Variants in PLPPR1 observed in about 807,000 individuals in gnomAD.
The protein encoded by PLPPR1 is phospholipid phosphatase-related protein type 1.
In PLPPR1, 10 loss-of-function variants were observed where a neutral mutation model predicts 33.1. The ratio of observed to expected loss-of-function variants is 0.30; its 90% CI spans 0.19 to 0.51. The LOEUF is 0.51. PLPPR1 is among the 20% of genes least tolerant of loss of function. The pLI, the probability that PLPPR1 is intolerant of heterozygous loss-of-function variation, is 0.97. For missense variants in PLPPR1, 304 were observed against 408.1 expected (o/e 0.74, Z 2.20); for synonymous variants, 151 against 151.0 (o/e 1.00, Z 0.00).
At chr9:101,046,839 T>C (rs1830156918) in intron 1 of PLPPR1, among the ~76,000 whole-genome samples, 1 of 152,232 alleles carries the variant, frequency 6.6e-6, no homozygotes, top group Non-Finnish European at 1.5e-5. Flanking sequence ...CTGTTATGAA[T>C]TTCATAAATC....
chr9:101,257,519 G>C (rs1040247061), intron 2 of PLPPR1, among the ~76,000 whole-genome samples: 2 of 152,146 alleles, frequency 1.3e-5, no homozygotes, highest in African/African-American at 4.8e-5. Flanking sequence ...CATGCCAGAA[G>C]GGCACAGTTC....
intron 2 of PLPPR1, among the ~76,000 whole-genome samples, chr9:101,259,040 A>G (rs941354703): frequency 6.6e-6 from 1 of 152,190 alleles, no homozygotes; most frequent in African/African-American, 2.4e-5. Context: ...GTTATACCAA[A>G]TATTTATCCC....
intron 7 of PLPPR1, among the ~76,000 whole-genome samples, chr9:101,321,770 CATAT>C (rs1225594575): frequency 6.8e-6 from 1 of 147,892 alleles, no homozygotes; most frequent in African/African-American, 2.5e-5. Context: ...AATATAGATA[CATAT>C]ATACACTAAT....
intron 2 of PLPPR1, among the ~76,000 whole-genome samples, chr9:101,204,681 C>T (rs1030767655): frequency 2.0e-5 from 3 of 152,234 alleles, no homozygotes; most frequent in Admixed American, 1.3e-4. Flanking sequence ...GATTTCTAAG[C>T]TTCTCTAGTA....
chr9:101,101,895 C>A (rs1830905382), intron 1 of PLPPR1, among the ~76,000 whole-genome samples: 1 of 152,082 alleles, frequency 6.6e-6, no homozygotes, highest in Admixed American at 6.5e-5. Flanking sequence ...CCTTTAAAGC[C>A]AGTCTAGAAG....
At chr9:101,264,139 T>G (rs1827946426) in intron 2 of PLPPR1, among the ~76,000 whole-genome samples, 1 of 152,138 alleles carries the variant, frequency 6.6e-6, no homozygotes, top group African/African-American at 2.4e-5. Flanking sequence ...TATTGACATT[T>G]GTGACTAGGA....
chr9:101,143,264 A>T (rs999881382), intron 1 of PLPPR1, among the ~76,000 whole-genome samples: 1 of 152,116 alleles, frequency 6.6e-6, no homozygotes, highest in South Asian at 2.1e-4. Context: ...ATCTAGAGAG[A>T]TTACCAGACA....
intron 1 of PLPPR1, among the ~76,000 whole-genome samples, chr9:101,061,832 T>A (rs1412112038): frequency 6.6e-6 from 1 of 152,024 alleles, no homozygotes; most frequent in Non-Finnish European, 1.5e-5. Context: ...TGGAAATCAG[T>A]TTGAACTGCT....
chr9:101,285,641 T>C (rs1309146172), intron 3 of PLPPR1, among the ~76,000 whole-genome samples: 1 of 152,202 alleles, frequency 6.6e-6, no homozygotes, highest in Non-Finnish European at 1.5e-5. Flanking sequence ...TCTTATAGCA[T>C]ACAGTATGTC....
intron 2 of PLPPR1, among the ~76,000 whole-genome samples, chr9:101,204,753 A>C (rs1826557962): frequency 6.7e-6 from 1 of 148,824 alleles, no homozygotes; most frequent in African/African-American, 2.4e-5. Flanking sequence ...AAGACCTGCC[A>C]GTCAAATTCA....
At chr9:101,263,179 A>G (rs1389070586) in intron 2 of PLPPR1, among the ~76,000 whole-genome samples, 1 of 152,222 alleles carries the variant, frequency 6.6e-6, no homozygotes. Flanking sequence ...TTTTAAAAAA[A>G]TAACAGCACC....
Position 101,286,115 on chromosome 9 carries a change from T to C in PLPPR1, c.264T>C (p.Gly88=). 1 of 1,612,004 alleles carries C rather than the reference T, an allele frequency of 6.2e-7. No homozygotes were observed. The change falls in exon 4 of 8, where the codon GGT becomes GGC. Residue 88 remains glycine, a synonymous_variant. Coordinates refer to ENST00000374874, the MANE Select transcript of PLPPR1 (RefSeq NM_207299.2). ...AATPTAIIFI[G]EISMYFIKST... is the part of the protein sequence containing the mutation. ...CATTCCTTCCCTAGATTTTTATTGG[T>C]GAGATATCCATGTATTTCATAAAAT...
At chr9:101,035,299 G>A (rs988388478) in intron 1 of PLPPR1, among the ~76,000 whole-genome samples, 45 of 152,294 alleles carry the variant, frequency 3.0e-4, no homozygotes, top group African/African-American at 9.6e-4. Flanking sequence ...CAGCAGGGCA[G>A]GAACTGCAAC....
At chr9:101,238,140 CACAT>C (rs1447638542) in intron 2 of PLPPR1, among the ~76,000 whole-genome samples, 1 of 136,506 alleles carries the variant, frequency 7.3e-6, no homozygotes, top group Non-Finnish European at 1.6e-5. Context: ...TACATATACA[CACAT>C]ATATATACAT....
chr9:101,279,725 A>G (rs1404136792), intron 3 of PLPPR1, among the ~76,000 whole-genome samples: 2 of 152,206 alleles, frequency 1.3e-5, no homozygotes, highest in Non-Finnish European at 2.9e-5. Context: ...TCAGTGGATC[A>G]ATGAATAAGA....
intron 3 of PLPPR1, among the ~76,000 whole-genome samples, chr9:101,280,764 A>C (rs531934650): frequency 6.6e-6 from 1 of 152,270 alleles, no homozygotes; most frequent in South Asian, 2.1e-4. Flanking sequence ...TATAGAAGGA[A>C]CATACCTCAA....
intron 2 of PLPPR1, among the ~76,000 whole-genome samples, chr9:101,246,107 T>TATATATATATATAG (rs1827606259): frequency 1.0e-5 from 1 of 98,346 alleles, no homozygotes; most frequent in Non-Finnish European, 2.3e-5. Context: ...TATATATATA[T>TATATATATATATAG]ATAGATAGAT....
chr9:101,233,465 G>C (rs1260835684), intron 2 of PLPPR1, among the ~76,000 whole-genome samples: 1 of 151,956 alleles, frequency 6.6e-6, no homozygotes, highest in Non-Finnish European at 1.5e-5. Flanking sequence ...CAACGGGGAT[G>C]GGAGTTGTCA....
At chr9:101,159,608 T>G (rs967511044) in intron 1 of PLPPR1, among the ~76,000 whole-genome samples, 8 of 152,098 alleles carry the variant, frequency 5.3e-5, no homozygotes, top group African/African-American at 1.7e-4. Flanking sequence ...AAATGTTCTA[T>G]GAAGGAATAA....
Sources: allele counts gnomAD v4.1 joint callset (sites outside exome capture counted in the v4.1 genomes callset), GRCh38; gene constraint gnomAD v4.1.1; transcripts MANE v1.5; gene names NCBI Gene and HGNC (gene_info 2026-07-23, HGNC 2026-07-21).